Variants in DMD observed in about 807,000 individuals in gnomAD.
DMD encodes the protein dystrophin, also known as mutant dystrophin.
DMD carries 63 observed loss-of-function variants against 330.1 expected under a neutral mutation model. The observed-to-expected ratio is 0.19, with a 90% CI of 0.16 to 0.24. The LOEUF (loss-of-function observed/expected upper bound fraction) is 0.24, where lower values mean the gene tolerates loss of function less well. Among genes scored for constraint, DMD ranks in the 10% least tolerant of loss-of-function variants. DMD has a pLI of 1.00. For synonymous variants in DMD, 1,223 were observed against 959.8 expected, an observed-to-expected ratio of 1.27 and a Z score of -5.07; for missense variants, 3,344 against 2,684.1, an observed-to-expected ratio of 1.25 and a Z score of -5.43.
intron 12 of DMD, among the ~76,000 whole-genome samples, chrX:32,609,818 A>G (rs1280532822): frequency 1.8e-5 from 2 of 111,125 alleles, no homozygotes; most frequent in Non-Finnish European, 3.8e-5. Context: ...AAATTCTTGT[A>G]ATTTGTAAAG....
At chrX:32,889,037 G>A (rs2084938069) in intron 2 of DMD, among the ~76,000 whole-genome samples, 1 of 110,670 alleles carries the variant, frequency 9.0e-6, no homozygotes, top group Non-Finnish European at 1.9e-5. Context: ...GTGTGTTCCT[G>A]AGAGGAGGGG....
chrX:32,921,977 A>G (rs780282149), intron 2 of DMD, among the ~76,000 whole-genome samples: 2 of 111,252 alleles, frequency 1.8e-5, no homozygotes, highest in South Asian at 7.7e-4. Flanking sequence ...ACAATGTTAA[A>G]TAAGGCAGTT....
At chrX:32,958,236 A>G (rs529418301) in intron 2 of DMD, among the ~76,000 whole-genome samples, 1 of 111,981 alleles carries the variant, frequency 8.9e-6, no homozygotes, top group Admixed American at 9.5e-5. Context: ...CTTCAATAAC[A>G]AAGTGTATTA....
At chrX:32,854,068 T>C (rs1277202493) in intron 2 of DMD, among the ~76,000 whole-genome samples, 1 of 111,650 alleles carries the variant, frequency 9.0e-6, no homozygotes, top group African/African-American at 3.3e-5. Context: ...CACCCAGATA[T>C]ATAAAGCAAC....
At chrX:32,749,104 C>G (rs1465800866) in intron 7 of DMD, among the ~76,000 whole-genome samples, 2 of 111,742 alleles carry the variant, frequency 1.8e-5, no homozygotes, top group Non-Finnish European at 1.9e-5. Context: ...GGCACGATTT[C>G]CCCCCTACCA....
chrX:31,946,585 T>G (rs1272712010), intron 45 of DMD, among the ~76,000 whole-genome samples: 2 of 111,809 alleles, frequency 1.8e-5, no homozygotes, highest in East Asian at 5.6e-4. Flanking sequence ...GTAGACCACT[T>G]CACTTAGCTA....
At chrX:33,037,785 T>G (rs910254728) in intron 1 of DMD, among the ~76,000 whole-genome samples, 1 of 112,232 alleles carries the variant, frequency 8.9e-6, no homozygotes, top group Non-Finnish European at 1.9e-5. Context: ...AGAGGGAGCA[T>G]AGCTATTCCT....
At chrX:31,913,484 A>G (rs1294832690) in intron 47 of DMD, among the ~76,000 whole-genome samples, 3 of 111,923 alleles carry the variant, frequency 2.7e-5, no homozygotes, top group African/African-American at 9.8e-5. Flanking sequence ...TATACAGACA[A>G]TCCTTTCTGG....
At chrX:32,008,452 A>G (rs2095679784) in intron 44 of DMD, among the ~76,000 whole-genome samples, 1 of 111,351 alleles carries the variant, frequency 9.0e-6, no homozygotes, top group Non-Finnish European at 1.9e-5. Flanking sequence ...CAGGTGAGGT[A>G]ATTGAGGATC....
At chrX:31,421,987 G>GTATATATACACACACATA (rs2063441642) in intron 60 of DMD, among the ~76,000 whole-genome samples, 1 of 49,296 alleles carries the variant, frequency 2.0e-5, no homozygotes, top group East Asian at 8.5e-4. Context: ...ATATATATAT[G>GTATATATACACACACATA]TATATATACA....
chrX:31,708,389 T>C (rs1383084071), intron 52 of DMD, among the ~76,000 whole-genome samples: 1 of 111,783 alleles, frequency 8.9e-6, no homozygotes. Flanking sequence ...AAAGCATGTC[T>C]GTGGTATTAA....
chrX:31,685,317 A>T (rs775663720), intron 52 of DMD, among the ~76,000 whole-genome samples: 327 of 111,946 alleles, frequency 2.9e-3, no homozygotes, highest in African/African-American at 0.01. Context: ...ATCCCAGGAC[A>T]TTCACATATA....
At chrX:31,945,349 T>C (rs971153699) in intron 45 of DMD, among the ~76,000 whole-genome samples, 9 of 112,102 alleles carry the variant, frequency 8.0e-5, no homozygotes, top group African/African-American at 2.9e-4. Context: ...ATTGTTTTTA[T>C]TTTTTGAGAT....
chrX:31,978,367 C>A (rs2095451963), intron 44 of DMD, among the ~76,000 whole-genome samples: 1 of 110,555 alleles, frequency 9.0e-6, no homozygotes, highest in African/African-American at 3.3e-5. Flanking sequence ...TTGATTCCAT[C>A]GTTATTGCTT....
chrX:32,553,715 T>C (rs1603636174), intron 16 of DMD, among the ~76,000 whole-genome samples: 1 of 112,168 alleles, frequency 8.9e-6, no homozygotes, highest in East Asian at 2.8e-4. Context: ...ATTTTGTTTA[T>C]GCTGTTATTT....
At chrX:31,751,600 C>T (rs2149128460) in intron 51 of DMD, among the ~76,000 whole-genome samples, 1 of 111,879 alleles carries the variant, frequency 8.9e-6, no homozygotes, top group Admixed American at 9.5e-5. Flanking sequence ...TCAGATTTGT[C>T]ACCTTTTGTT....
At chrX:32,585,232 G>A (rs1041469805) in intron 13 of DMD, among the ~76,000 whole-genome samples, 5 of 111,181 alleles carry the variant, frequency 4.5e-5, no homozygotes, top group Non-Finnish European at 9.4e-5. Flanking sequence ...GGGTACATAC[G>A]CTTAGATAGA....
chrX:32,757,781 G>A (rs1433412495), intron 7 of DMD, among the ~76,000 whole-genome samples: 1 of 111,669 alleles, frequency 9.0e-6, no homozygotes, highest in African/African-American at 3.3e-5. Context: ...GCCTTTATTA[G>A]CAGCATGAGA....
chrX:31,465,554 C>CA (rs56720044), intron 59 of DMD, among the ~76,000 whole-genome samples: 12,121 of 111,152 alleles, frequency 0.11, 506 homozygotes, highest in East Asian at 0.2. Context: ...CTTATGGCTG[C>CA]ATAGTATTCC....
Sources: gnomAD v4.1 joint callset for allele counts (sites outside exome capture counted in the v4.1 genomes callset) on GRCh38, gnomAD v4.1.1 for gene constraint, MANE v1.5 for transcripts, NCBI Gene and HGNC (gene_info 2026-07-23, HGNC 2026-07-21) for gene names.